The following AGBL1 variants were observed in gnomAD, a reference collection of about 807,000 sequenced individuals.
AGBL1 encodes the protein AGBL carboxypeptidase 1, also known as cytosolic carboxypeptidase 4.
A neutral mutation model predicts 118.9 loss-of-function variants in AGBL1; 130 were observed. The ratio of observed to expected loss-of-function variants is 1.09; its 90% CI spans 0.95 to 1.26. AGBL1 has a LOEUF of 1.26. Among genes scored for constraint, AGBL1 ranks in the 50% most tolerant of loss-of-function variants. The pLI is 0.00. For synonymous variants in AGBL1, 555 were observed against 478.9 expected (o/e 1.16, Z -2.08); for missense variants, 1,584 against 1,298.1 (o/e 1.22, Z -3.38).
chr15:86,450,142 G>T (rs1468927421), intron 18 of AGBL1, among the ~76,000 whole-genome samples: 1 of 152,150 alleles, frequency 6.6e-6, no homozygotes, highest in African/African-American at 2.4e-5. Context: ...TAAATCGATT[G>T]TTGCATAAAG....
In AGBL1 at chr15:86,575,153, C is replaced by A. The variant is rs768368354; in HGVS notation, c.2994+20616C>A. Among the ~76,000 whole-genome samples the A allele has an allele frequency of 1.4e-4, 21 of 151,724 alleles. 1 individual carries two copies. Among genetic ancestry groups the A allele is most frequent in the Non-Finnish European group, 2.7e-4 (18 of 67,920 alleles). ...ACCGTGAGCCAAGATCACACCACTG[C>A]ACTCCTGCCTGGGTGACAGAGGGAG... is the stretch of plus-strand genomic sequence containing the variant. On this transcript the variant is annotated intron_variant, in intron 21 of 22. Transcript: ENST00000614907.
intron 1 of AGBL1, among the ~76,000 whole-genome samples, chr15:86,094,360 C>A (rs1006167232): frequency 2.6e-5 from 4 of 152,184 alleles, no homozygotes; most frequent in African/African-American, 9.6e-5. Flanking sequence ...TATTTACTTG[C>A]TTTTGCCTTG....
intron 23 of AGBL1, among the ~76,000 whole-genome samples, chr15:86,971,350 T>G (rs1039295635): frequency 2.0e-5 from 3 of 152,024 alleles, no homozygotes; most frequent in African/African-American, 7.2e-5. Context: ...GGTGAGACAT[T>G]AATTGCCATC....
At chr15:86,130,150 G>A (rs753456045) in intron 1 of AGBL1, among the ~76,000 whole-genome samples, 1 of 152,000 alleles carries the variant, frequency 6.6e-6, no homozygotes. Context: ...GAGCATGAGG[G>A]ACACCTTTAG....
rs1194837863 is a variant in AGBL1 at position 86,542,574 on chromosome 15, G to A, written c.2686-3428G>A. Among the ~76,000 whole-genome samples, 4 of 151,914 alleles carry A rather than the reference G, an allele frequency of 2.6e-5. No individual in the cohort carries two copies. The South Asian group carries it at 8.3e-4, about 32-fold the overall frequency. Reference sequence around the variant, plus strand: ...GTAGAGACAGGGTTTCACCATGTTGGCCAGGCTGGTCTCGAACTCCTGACC... The same window carrying A: ...GTAGAGACAGGGTTTCACCATGTTGACCAGGCTGGTCTCGAACTCCTGACC... On this transcript the variant is annotated intron_variant, in intron 19 of 22. Coordinates refer to ENST00000614907, the MANE Select transcript of AGBL1 (RefSeq NM_001386094.1).
chr15:86,620,392 G>A (rs1167682906), intron 21 of AGBL1, among the ~76,000 whole-genome samples: 1 of 152,186 alleles, frequency 6.6e-6, no homozygotes, highest in Non-Finnish European at 1.5e-5. Context: ...CACGCTGTCA[G>A]GAGGTTGCGC....
chr15:86,966,642 C>A (rs1163569452), intron 23 of AGBL1, among the ~76,000 whole-genome samples: 3 of 151,938 alleles, frequency 2.0e-5, no homozygotes, highest in Admixed American at 2.0e-4. Flanking sequence ...ATGTCCCTAC[C>A]AAGGTCATGA....
intron 22 of AGBL1, among the ~76,000 whole-genome samples, chr15:86,786,387 G>T (rs895529789): frequency 5.3e-5 from 8 of 152,174 alleles, no homozygotes; most frequent in African/African-American, 1.9e-4. Flanking sequence ...AGAGAGTGTG[G>T]CAGGATATGG....
At chr15:86,811,063 T>C (rs1256961833) in intron 22 of AGBL1, among the ~76,000 whole-genome samples, 3 of 152,336 alleles carry the variant, frequency 2.0e-5, no homozygotes, top group East Asian at 3.9e-4. Context: ...GAGAAGATGA[T>C]GTACAAATAT....
intron 22 of AGBL1, among the ~76,000 whole-genome samples, chr15:86,887,589 A>T (rs1008818935): frequency 2.0e-5 from 3 of 152,336 alleles, no homozygotes; most frequent in Admixed American, 2.0e-4. Context: ...TAGAAATACC[A>T]TTTGAATAAA....
At chr15:86,980,651 A>G (rs1271462457) in intron 23 of AGBL1, among the ~76,000 whole-genome samples, 1 of 152,086 alleles carries the variant, frequency 6.6e-6, no homozygotes, top group Non-Finnish European at 1.5e-5. Context: ...ATGGACAAAA[A>G]CGTAGATTCC....
chr15:87,004,145 C>T (rs1318899902), intron 24 of AGBL1, among the ~76,000 whole-genome samples: 4 of 152,134 alleles, frequency 2.6e-5, no homozygotes, highest in African/African-American at 9.7e-5. Flanking sequence ...AAATATGTCC[C>T]AGAGATTCTG....
rs984814665 is a variant in AGBL1, at chr15:86,428,487, A to T, written c.2555+30941A>T. 2.6e-5 allele frequency among the ~76,000 whole-genome samples: 4 copies of T among 152,234 alleles called. No individual in the cohort carries two copies. The East Asian group carries it at 7.7e-4, about 29-fold the overall frequency. ...TTCTTTAACTTCCATAATCAGAAAT[A>T]ATCTATTTCTCAGAGTCCTTATTGT... On this transcript the variant is annotated intron_variant, in intron 18 of 22. Coordinates refer to ENST00000614907, the MANE Select transcript of AGBL1 (RefSeq NM_001386094.1).
At chr15:86,512,035 T>C (rs997707691) in intron 18 of AGBL1, among the ~76,000 whole-genome samples, 1 of 151,952 alleles carries the variant, frequency 6.6e-6, no homozygotes, top group Admixed American at 6.6e-5. Context: ...AAATATACAA[T>C]TAAATGCCAT....
intron 18 of AGBL1, among the ~76,000 whole-genome samples, chr15:86,402,194 A>G (rs1302709574): frequency 6.6e-6 from 1 of 151,168 alleles, no homozygotes; most frequent in Non-Finnish European, 1.5e-5. Flanking sequence ...TAGGTTATTT[A>G]TTTATTTATT....
At position 86,362,785 on chromosome 15, in the gene AGBL1, G is replaced by C. The variant is rs752299440; in HGVS notation, c.2375-34581G>C. Among the ~76,000 whole-genome samples the C allele has an allele frequency of 2.0e-5, 3 of 152,306 alleles. No individual in the cohort carries two copies. In the East Asian group the frequency reaches 5.8e-4, roughly 29 times the overall value. ...CAGAGCTACTTCAAGATCTGCAGTA[G>C]GGACCAAAGTCAGGTGGATTGCTAC... On this transcript the variant is annotated intron_variant, in intron 17 of 22. Transcript: ENST00000614907.
At chr15:86,447,860 C>T (rs1459040722) in intron 18 of AGBL1, among the ~76,000 whole-genome samples, 1 of 152,178 alleles carries the variant, frequency 6.6e-6, no homozygotes, top group Non-Finnish European at 1.5e-5. Context: ...AGGATCAAAA[C>T]AGGGCCGGGT....
intron 22 of AGBL1, among the ~76,000 whole-genome samples, chr15:86,698,639 C>A (rs2086304434): frequency 6.8e-6 from 1 of 147,004 alleles, no homozygotes; most frequent in Non-Finnish European, 1.5e-5. Flanking sequence ...AAGAGACCAA[C>A]AGGATTTATG....
At chr15:86,857,106 G>C (rs1016280666) in intron 22 of AGBL1, among the ~76,000 whole-genome samples, 27 of 152,110 alleles carry the variant, frequency 1.8e-4, no homozygotes, top group African/African-American at 6.0e-4. Flanking sequence ...ACCAATTTCT[G>C]TACGTTTTAT....
Sources: gnomAD v4.1 joint callset for allele counts (sites outside exome capture counted in the v4.1 genomes callset) on GRCh38, gnomAD v4.1.1 for gene constraint, MANE v1.5 for transcripts, NCBI Gene and HGNC (gene_info 2026-07-23, HGNC 2026-07-21) for gene names.